TRIM55: variants seen among roughly 807,000 people sequenced by gnomAD.
TRIM55 encodes the protein tripartite motif containing 55, also known as tripartite motif-containing protein 55.
Under a neutral mutation model 60.9 loss-of-function variants are expected in TRIM55, and 50 were observed. The ratio of observed to expected loss-of-function variants is 0.82; its 90% CI spans 0.65 to 1.04. The LOEUF is 1.04. Ranked by LOEUF, TRIM55 falls within the 50% of genes least tolerant of loss-of-function variation. TRIM55 has a pLI of 0.00. For missense variants in TRIM55, 681 were observed against 666.9 expected (o/e 1.02, Z -0.23); for synonymous variants, 237 against 238.1 (o/e 1.00, Z 0.04).
intron 9 of TRIM55, among the ~76,000 whole-genome samples, chr8:66,169,738 C>T (rs189798614): frequency 3.3e-5 from 5 of 152,252 alleles, no homozygotes; most frequent in East Asian, 3.9e-4. Flanking sequence ...GAGTGTTGAG[C>T]GCTGTGACCC....
intron 9 of TRIM55, among the ~76,000 whole-genome samples, chr8:66,156,007 T>A (rs904391383): frequency 2.6e-5 from 4 of 152,198 alleles, no homozygotes; most frequent in Non-Finnish European, 4.4e-5. Flanking sequence ...CCCTCCAGAA[T>A]GGTCATTAGG....
Position 66,137,141 on chromosome 8 carries a change from G to T in TRIM55, c.554G>T (p.Arg185Leu). Reference sequence around the variant, plus strand: ...GCCATCCTCGTGGGCAGCAACGATCGAGTCCAGGGAGTGATCAGCCAGCTG... The same window carrying T: ...GCCATCCTCGTGGGCAGCAACGATCTAGTCCAGGGAGTGATCAGCCAGCTG... ...GIAILVGSND[R>L]VQGVISQLED... The change falls in exon 4 of 10, where the codon CGA (arginine) becomes CTA (leucine). Residue 185 changes from arginine (R) to leucine (L), a missense_variant. Transcript: ENST00000315962. 6.2e-7 allele frequency: 1 copy of T among 1,614,152 alleles called. No homozygotes were observed. Among genetic ancestry groups the T allele is most frequent in the Non-Finnish European group, 8.5e-7 (1 of 1,180,024 alleles).
Position 66,128,325 on chromosome 8 carries a change from A to T in TRIM55, c.190A>T (p.Thr64Ser). 1 of 1,609,384 alleles carries T rather than the reference A, an allele frequency of 6.2e-7. No individual in the cohort carries two copies. ...IFQASNPYLP[T>S]RGGTTMASGG... is the part of the protein sequence containing the mutation. ...ACAGGCCTCTAACCCGTATTTGCCC[A>T]CAAGAGGAGGTACCACCATGGCATC... Residue 64 changes from threonine to serine, a missense_variant, in exon 2 of 10, where the codon ACA (threonine) becomes TCA (serine). Physicochemically the swap from Thr to Ser is moderately conservative, Grantham distance 58. Coordinates refer to ENST00000315962, the MANE Select transcript of TRIM55 (RefSeq NM_184085.2).
At chr8:66,134,011 T>C (rs1809330377) in intron 2 of TRIM55, among the ~76,000 whole-genome samples, 1 of 152,188 alleles carries the variant, frequency 6.6e-6, no homozygotes, top group Non-Finnish European at 1.5e-5. Flanking sequence ...AAACAAAAGT[T>C]TCGAACAGCA....
At chr8:66,165,050 C>G (rs1811251823) in intron 9 of TRIM55, among the ~76,000 whole-genome samples, 1 of 151,946 alleles carries the variant, frequency 6.6e-6, no homozygotes, top group Non-Finnish European at 1.5e-5. Context: ...GCCTCTTTTC[C>G]CCCTTGAACC....
intron 9 of TRIM55, among the ~76,000 whole-genome samples, chr8:66,169,947 C>T (rs544152655): frequency 4.6e-5 from 7 of 152,196 alleles, no homozygotes; most frequent in African/African-American, 1.7e-4. Flanking sequence ...ACCATCTTAA[C>T]CACTCCCATT....
At chr8:66,169,151 C>A (rs1811481133) in intron 9 of TRIM55, among the ~76,000 whole-genome samples, 1 of 152,126 alleles carries the variant, frequency 6.6e-6, no homozygotes, top group South Asian at 2.1e-4. Context: ...TAATGCCCCC[C>A]CACAAATGTG....
intron 2 of TRIM55, among the ~76,000 whole-genome samples, chr8:66,133,251 A>C (rs919281646): frequency 6.6e-6 from 1 of 152,208 alleles, no homozygotes; most frequent in Non-Finnish European, 1.5e-5. Context: ...TGCCTTCTCC[A>C]GCTGGGTGGT....
chr8:66,144,079 A>G (rs1392889824), intron 4 of TRIM55, among the ~76,000 whole-genome samples: 1 of 152,246 alleles, frequency 6.6e-6, no homozygotes, highest in Non-Finnish European at 1.5e-5. Flanking sequence ...CTACTAAAAT[A>G]TAAAGGTGGC....
chr8:66,122,996 T>C (rs1808690157), upstream of TRIM55, among the ~76,000 whole-genome samples: 1 of 152,234 alleles, frequency 6.6e-6, no homozygotes, highest in African/African-American at 2.4e-5. Context: ...CCCTTCCTTT[T>C]GCAGGTCTTT....
upstream of TRIM55, among the ~76,000 whole-genome samples, chr8:66,125,551 A>T (rs1808787488): frequency 6.6e-6 from 1 of 152,226 alleles, no homozygotes; most frequent in Non-Finnish European, 1.5e-5. Flanking sequence ...AATATCCCAC[A>T]TATTGTACTC....
At chr8:66,114,053 C>G in the TRIM55 span, among the ~76,000 whole-genome samples, 3 of 140,944 alleles carry the variant, frequency 2.1e-5, no homozygotes, top group East Asian at 4.6e-4. Flanking sequence ...CCTTAGGTCG[C>G]TGGTTCGATT....
At chr8:66,119,980 C>T in the TRIM55 span, among the ~76,000 whole-genome samples, 1 of 152,254 alleles carries the variant, frequency 6.6e-6, no homozygotes, top group Non-Finnish European at 1.5e-5. Context: ...CCTTCTAAAG[C>T]ATGGGTGTGG....
the TRIM55 span, among the ~76,000 whole-genome samples, chr8:66,121,081 G>A: frequency 6.6e-6 from 1 of 152,204 alleles, no homozygotes. Flanking sequence ...GCAGCTACAG[G>A]TTGAAAGAGG....
chr8:66,132,343 C>T lies in TRIM55; in HGVS notation c.342-2647C>T, dbSNP rs1050425480. 2.6e-5 allele frequency among the ~76,000 whole-genome samples: 4 copies of T among 152,128 alleles called. No homozygotes were observed. In the East Asian group the frequency reaches 7.7e-4, roughly 29 times the overall value. ...TGGCAGGCACCTGTAATCCCAGCAA[C>T]TTGGGAGACTGAGGCAAGAGAAATG... is the stretch of plus-strand genomic sequence containing the variant. On this transcript the variant is annotated intron_variant, in intron 2 of 9. Transcript: ENST00000315962.
At chr8:66,150,002 C>G in intron 5 of TRIM55, 124 bp downstream of exon 5, 1 of 919,832 alleles carries the variant, frequency 1.1e-6, no homozygotes, top group Non-Finnish European at 1.6e-6. Flanking sequence ...AAATATAAAC[C>G]CCATGTGCTT....
chr8:66,150,239 AG>A lies in TRIM55; in HGVS notation c.860+1del. On this transcript the variant is annotated splice_donor_variant, in intron 6 of 9. Transcript: ENST00000315962. LOFTEE classifies it high-confidence loss of function. ...CAGAATGCCAAAACCCTGCTAAAAA[AG>A]TAAGAACTTTTTATTTTATGTAAAA... is the stretch of plus-strand genomic sequence containing the variant. 1 of 1,613,200 alleles carries A rather than the reference AG, an allele frequency of 6.2e-7. No individual in the cohort carries two copies. Among genetic ancestry groups the A allele is most frequent in the Non-Finnish European group, 8.5e-7 (1 of 1,179,506 alleles).
At chr8:66,120,427 G>T in the TRIM55 span, among the ~76,000 whole-genome samples, 1 of 152,152 alleles carries the variant, frequency 6.6e-6, no homozygotes. Context: ...GGGGGTTGGG[G>T]CTAGCCATGT....
chr8:66,144,202 C>G (rs1809980898), intron 4 of TRIM55, among the ~76,000 whole-genome samples: 2 of 152,040 alleles, frequency 1.3e-5, no homozygotes, highest in Admixed American at 1.3e-4. Flanking sequence ...ACCAAATGAC[C>G]ATTTGATTTT....
Sources: allele counts gnomAD v4.1 joint callset (sites outside exome capture counted in the v4.1 genomes callset), GRCh38; gene constraint gnomAD v4.1.1; transcripts MANE v1.5; gene names NCBI Gene and HGNC (gene_info 2026-07-23, HGNC 2026-07-21).